DAGLA: variants seen among roughly 807,000 people sequenced by gnomAD.
DAGLA encodes the protein diacylglycerol lipase alpha.
In DAGLA, 22 loss-of-function variants were observed where a neutral mutation model predicts 102.6. That is an observed-to-expected ratio of 0.21 (90% CI 0.15 to 0.31). DAGLA has a LOEUF of 0.31. Ranked by LOEUF, DAGLA falls within the 10% of genes least tolerant of loss-of-function variation. DAGLA has a pLI of 1.00. For missense variants in DAGLA, 927 were observed against 1,446.6 expected (o/e 0.64, Z 5.83); for synonymous variants, 578 against 628.9 (o/e 0.92, Z 1.21).
At chr11:61,698,014 G>T (rs1294886654) in intron 1 of DAGLA, among the ~76,000 whole-genome samples, 10 of 152,250 alleles carry the variant, frequency 6.6e-5, no homozygotes, top group Admixed American at 1.3e-4. Flanking sequence ...CTGGCAGCTA[G>T]TTGGGCTCTC....
At chr11:61,733,980 G>A (rs537047674) in intron 9 of DAGLA, among the ~76,000 whole-genome samples, 2 of 152,316 alleles carry the variant, frequency 1.3e-5, no homozygotes, top group Admixed American at 1.3e-4. Flanking sequence ...TGCTGAACAC[G>A]CTGGCAGCAG....
At chr11:61,687,157 C>T (rs934502491) in intron 1 of DAGLA, among the ~76,000 whole-genome samples, 5 of 152,194 alleles carry the variant, frequency 3.3e-5, no homozygotes, top group Admixed American at 6.5e-5. Context: ...CTCCATCTTA[C>T]GGGCGGCTTA....
intron 19 of DAGLA, among the ~76,000 whole-genome samples, chr11:61,741,567 C>G (rs947251136): frequency 6.6e-6 from 1 of 151,644 alleles, no homozygotes; most frequent in African/African-American, 2.4e-5. Context: ...GGGAGGCACA[C>G]AGACCCACAA....
chr11:61,682,158 G>T (rs568655752), intron 1 of DAGLA, among the ~76,000 whole-genome samples: 3 of 152,302 alleles, frequency 2.0e-5, no homozygotes, highest in African/African-American at 7.2e-5. Context: ...TCCAGTGTTG[G>T]CTGTGTGACC....
chr11:61,701,288 C>T (rs950914480), intron 1 of DAGLA, among the ~76,000 whole-genome samples: 11 of 152,246 alleles, frequency 7.2e-5, no homozygotes, highest in African/African-American at 2.7e-4. Flanking sequence ...CCTACCAAGG[C>T]CCCAGAAGAG....
chr11:61,722,954 A>T lies in DAGLA; in HGVS notation c.403A>T (p.Thr135Ser). Reference protein sequence around the residue: ...SCNDLTAKNVTLGMVVCNWVV... With the variant: ...SCNDLTAKNVSLGMVVCNWVV... The stretch of plus-strand genomic sequence containing the variant: ...CAACGACCTCACTGCCAAGAATGTC[A>T]CCCTCGGTACGTCTGGGTGAGGCCT... The change falls in exon 4 of 20, where the codon ACC (threonine) becomes TCC (serine). Residue 135 changes from threonine to serine, a missense_variant. Thr to Ser is a moderately conservative substitution (Grantham distance 58, BLOSUM62 1). Coordinates refer to ENST00000257215, the MANE Select transcript of DAGLA (RefSeq NM_006133.3). The T allele has an allele frequency of 6.2e-7, 1 of 1,613,304 alleles. No homozygotes were observed. The highest frequency in any genetic ancestry group is 8.5e-7 in the Non-Finnish European group (1 of 1,179,418).
chr11:61,700,047 C>T (rs1003045325), intron 1 of DAGLA, among the ~76,000 whole-genome samples: 5 of 152,334 alleles, frequency 3.3e-5, no homozygotes, highest in East Asian at 3.9e-4. Context: ...CAGCAGTGCC[C>T]GGCCTCGCCC....
chr11:61,723,007 CAG>C (rs1565257732), intron 4 of DAGLA, 47 bp downstream of exon 4: 2 of 1,446,670 alleles, frequency 1.4e-6, no homozygotes, highest in South Asian at 1.1e-5. Context: ...CCCGGGGGCA[CAG>C]GGGACGAGAT....
At chr11:61,716,570 T>C (rs1354363458) in intron 1 of DAGLA, among the ~76,000 whole-genome samples, 1 of 152,186 alleles carries the variant, frequency 6.6e-6, no homozygotes, top group East Asian at 1.9e-4. Flanking sequence ...GGGTGGGCTC[T>C]GTGCTGGAGT....
At position 61,729,007 on chromosome 11, in the gene DAGLA, C is replaced by T. The variant is rs1213405493; in HGVS notation, c.848C>T (p.Ser283Leu). Residue 283 changes from serine to leucine, a missense_variant and splice_region_variant, in exon 8 of 20, where the codon TCA (serine) becomes TTA (leucine). Ser to Leu is a moderately radical substitution (Grantham distance 145). Transcript: ENST00000257215. ...RNTKYLDLKN[S>L]QEMLRYKEVC... ...ACCAAGTACCTCGACCTCAAGAATTCAGTGAGTCAGACATCAACTCTCACC... is the reference window on the plus strand; with the variant it reads ...ACCAAGTACCTCGACCTCAAGAATTTAGTGAGTCAGACATCAACTCTCACC... 2 of 1,613,802 alleles carry T rather than the reference C, an allele frequency of 1.2e-6. No individual in the cohort carries two copies. Among genetic ancestry groups the T allele is most frequent in the Non-Finnish European group, 1.7e-6 (2 of 1,179,680 alleles).
rs557445049 is a variant in DAGLA, at chr11:61,736,406, C to T, written c.1371+56C>T. 1.8e-4 allele frequency: 255 copies of T among 1,401,304 alleles called. 2 individuals are homozygous for T. In the South Asian group the frequency reaches 2.6e-3, roughly 14 times the overall value. 86.8% of individuals were successfully genotyped at this position (1,401,304 alleles called of 1,614,324 possible). ...TCACACCTGGGTCCCCCTCCTCCAACGCAGCACAGAGAGGAGAGGATGGAT... is the reference window on the plus strand; with the variant it reads ...TCACACCTGGGTCCCCCTCCTCCAATGCAGCACAGAGAGGAGAGGATGGAT... On this transcript the variant is annotated intron_variant, in intron 13 of 19. Coordinates refer to ENST00000257215, the MANE Select transcript of DAGLA (RefSeq NM_006133.3).
rs1382006703 is a variant in DAGLA, at chr11:61,684,143, T to G, written c.-45+3639T>G. 1.3e-5 allele frequency among the ~76,000 whole-genome samples: 2 copies of G among 152,140 alleles called. No individual in the cohort carries two copies. The highest frequency in any genetic ancestry group is 2.9e-5 in the Non-Finnish European group (2 of 68,036). On this transcript the variant is annotated intron_variant, in intron 1 of 19. Transcript: ENST00000257215. This position sits in a 1 kb window ranked among gnomAD's most constrained non-coding sequence, Gnocchi z 4.5. The stretch of plus-strand genomic sequence containing the variant: ...ACAGCTTGTCACTGGAAGCCACTCC[T>G]CCCCCAGTCCCTCTCCTCGAGACCA...
intron 1 of DAGLA, among the ~76,000 whole-genome samples, chr11:61,719,411 G>A (rs765821933): frequency 1.6e-4 from 24 of 152,120 alleles, no homozygotes; most frequent in Non-Finnish European, 2.9e-4. Context: ...CACCTCAACC[G>A]TGCTCTTCCC....
intron 1 of DAGLA, among the ~76,000 whole-genome samples, chr11:61,690,155 C>T (rs1246977647): frequency 6.6e-6 from 1 of 152,346 alleles, no homozygotes; most frequent in East Asian, 1.9e-4. Flanking sequence ...GTATCCAAGT[C>T]TCTTTCCCCC....
chr11:61,707,317 C>T (rs1301252166), intron 1 of DAGLA, among the ~76,000 whole-genome samples: 1 of 152,242 alleles, frequency 6.6e-6, no homozygotes, highest in Non-Finnish European at 1.5e-5. Context: ...GGTCAGAGGT[C>T]GAGCAGATGG....
chr11:61,720,975 C>T (rs998704091), intron 3 of DAGLA, 85 bp downstream of exon 3: 21 of 1,308,652 alleles, frequency 1.6e-5, no homozygotes, highest in African/African-American at 4.3e-5. Flanking sequence ...GCACATGTTG[C>T]GAGCCAGGCC....
intron 1 of DAGLA, among the ~76,000 whole-genome samples, chr11:61,714,120 C>T (rs1426749468): frequency 1.3e-5 from 2 of 152,146 alleles, no homozygotes; most frequent in Non-Finnish European, 2.9e-5. Context: ...ATATAGCAAC[C>T]GTGGGGGCCC....
At chr11:61,682,305 G>A (rs2064949518) in intron 1 of DAGLA, among the ~76,000 whole-genome samples, 1 of 152,186 alleles carries the variant, frequency 6.6e-6, no homozygotes, top group Non-Finnish European at 1.5e-5. Flanking sequence ...ATCAAGTAAA[G>A]AGACCAGGGC....
chr11:61,726,118 T>A (rs1248603757), intron 6 of DAGLA, 36 bp downstream of exon 6: 5 of 1,590,020 alleles, frequency 3.1e-6, no homozygotes, highest in Non-Finnish European at 4.3e-6. Flanking sequence ...CTGGCTCACA[T>A]CCTGTGGTCA....
Sources: allele counts gnomAD v4.1 joint callset (sites outside exome capture counted in the v4.1 genomes callset), GRCh38; gene constraint gnomAD v4.1.1; non-coding constraint Gnocchi (gnomAD v3.1); transcripts MANE v1.5; gene names NCBI Gene and HGNC (gene_info 2026-07-23, HGNC 2026-07-21).